TMEM108: variants seen among roughly 807,000 people sequenced by gnomAD.
TMEM108 encodes the protein transmembrane protein 108.
In TMEM108, 12 loss-of-function variants were observed where a neutral mutation model predicts 35.1. The observed-to-expected ratio is 0.34, with a 90% CI of 0.22 to 0.55. The LOEUF is 0.55. Among genes scored for constraint, TMEM108 ranks in the 20% least tolerant of loss-of-function variants. The probability of loss-of-function intolerance (pLI) is 0.89; values close to 1 mark genes in which losing one functional copy is unlikely to be tolerated. For synonymous variants in TMEM108, 287 were observed against 308.6 expected (o/e 0.93, Z 0.73); for missense variants, 680 against 753.3 (o/e 0.90, Z 1.14).
chr3:133,379,644 C>CTG, intron 3 of TMEM108, 108 bp from the exon 4 acceptor site: 1 of 1,097,708 alleles, frequency 9.1e-7, no homozygotes, highest in Non-Finnish European at 1.3e-6. Flanking sequence ...AGGAATGCTC[C>CTG]TGACGTTTCC....
At chr3:133,280,455 C>A (rs117319942) in intron 3 of TMEM108, among the ~76,000 whole-genome samples, 3 of 152,190 alleles carry the variant, frequency 2.0e-5, no homozygotes, top group East Asian at 3.9e-4. Flanking sequence ...ATCAAATGTT[C>A]ATCAGTTTTT....
intron 2 of TMEM108, among the ~76,000 whole-genome samples, chr3:133,086,816 T>C (rs1943888875): frequency 6.6e-6 from 1 of 152,228 alleles, no homozygotes; most frequent in African/African-American, 2.4e-5. Flanking sequence ...TGGTGTAGTT[T>C]GGGCATTACA....
chr3:133,293,642 A>T (rs2107697430), intron 3 of TMEM108, among the ~76,000 whole-genome samples: 2 of 152,138 alleles, frequency 1.3e-5, no homozygotes, highest in Middle Eastern at 3.4e-3. Context: ...CCTAAGACGG[A>T]TGTTGAGTGG....
At chr3:133,250,077 T>C (rs1208204420) in intron 3 of TMEM108, among the ~76,000 whole-genome samples, 1 of 152,160 alleles carries the variant, frequency 6.6e-6, no homozygotes, top group East Asian at 1.9e-4. Context: ...ACAATTAAGC[T>C]CTTGAGGTGT....
At chr3:133,102,916 A>G (rs191909197) in intron 2 of TMEM108, among the ~76,000 whole-genome samples, 14 of 152,272 alleles carry the variant, frequency 9.2e-5, no homozygotes, top group Middle Eastern at 3.4e-3. Flanking sequence ...CAGAATGGCT[A>G]TTATTAAAAA....
chr3:133,096,815 G>A (rs1944021285), intron 2 of TMEM108, among the ~76,000 whole-genome samples: 1 of 152,198 alleles, frequency 6.6e-6, no homozygotes, highest in African/African-American at 2.4e-5. Context: ...AGAAGACTGT[G>A]GGTGAACTGA....
At position 133,202,928 on chromosome 3, in the gene TMEM108, G is replaced by T. The variant is rs188504493; in HGVS notation, c.-46-26338G>T. On this transcript the variant is annotated intron_variant, in intron 2 of 5. Coordinates refer to ENST00000321871, the MANE Select transcript of TMEM108 (RefSeq NM_023943.4). Reference sequence around the variant, plus strand: ...ATTGATTCTTCCTATCCATGAGCATGGAATGTTTTTCCATTTGTTTGTGTC... The same window carrying T: ...ATTGATTCTTCCTATCCATGAGCATTGAATGTTTTTCCATTTGTTTGTGTC... Among the ~76,000 whole-genome samples, 3 of 152,266 alleles carry T rather than the reference G, an allele frequency of 2.0e-5. No homozygotes were observed. In the East Asian group the frequency reaches 5.8e-4, roughly 29 times the overall value.
Position 133,315,343 on chromosome 3 carries a change from G to A in TMEM108, c.41-64409G>A, listed in dbSNP as rs1437001971. ...CCTGCTTTATAGGTCCCTGGGGAGG[G>A]TCCCTCCTCCCTCCAATCTTTTGTG... On this transcript the variant is annotated intron_variant, in intron 3 of 5. Coordinates refer to ENST00000321871, the MANE Select transcript of TMEM108 (RefSeq NM_023943.4). Among the ~76,000 whole-genome samples the A allele has an allele frequency of 2.8e-4, 42 of 152,270 alleles. 1 individual carries two copies. The highest frequency in any genetic ancestry group is 4.4e-5 in the Non-Finnish European group (3 of 68,018).
intron 3 of TMEM108, among the ~76,000 whole-genome samples, chr3:133,280,862 C>T (rs1008154704): frequency 1.3e-5 from 2 of 152,188 alleles, no homozygotes; most frequent in Non-Finnish European, 2.9e-5. Flanking sequence ...TCACATGGTA[C>T]AGCAGGCTAG....
At chr3:133,226,246 C>T (rs1253572805) in intron 2 of TMEM108, among the ~76,000 whole-genome samples, 3 of 152,130 alleles carry the variant, frequency 2.0e-5, no homozygotes, top group African/African-American at 7.2e-5. Flanking sequence ...TAATAGATTG[C>T]AAATGTTTCC....
chr3:133,299,214 G>A (rs1019548735), intron 3 of TMEM108, among the ~76,000 whole-genome samples: 21 of 152,250 alleles, frequency 1.4e-4, no homozygotes, highest in African/African-American at 4.3e-4. Context: ...CTTGGCAGCC[G>A]TAAAGCCACT....
intron 2 of TMEM108, among the ~76,000 whole-genome samples, chr3:133,179,151 A>G (rs1945288691): frequency 6.6e-6 from 1 of 150,990 alleles, no homozygotes. Context: ...AAAAGTCAGG[A>G]AACAACAGGT....
intron 2 of TMEM108, among the ~76,000 whole-genome samples, chr3:133,061,766 A>T (rs1474800142): frequency 6.6e-6 from 1 of 152,236 alleles, no homozygotes; most frequent in Non-Finnish European, 1.5e-5. Flanking sequence ...AAGTAGGCAT[A>T]CTGCACTGGT....
At chr3:133,077,343 G>A (rs1212053099) in intron 2 of TMEM108, among the ~76,000 whole-genome samples, 1 of 152,106 alleles carries the variant, frequency 6.6e-6, no homozygotes, top group Non-Finnish European at 1.5e-5. Flanking sequence ...TGTAGTGATG[G>A]CAGTGGTGTT....
chr3:133,349,438 A>T (rs1447938677), intron 3 of TMEM108, among the ~76,000 whole-genome samples: 1 of 152,188 alleles, frequency 6.6e-6, no homozygotes, highest in African/African-American at 2.4e-5. Flanking sequence ...ACAAAAGCAA[A>T]AATAGACAAA....
At chr3:133,077,993 G>C (rs1943762546) in intron 2 of TMEM108, among the ~76,000 whole-genome samples, 1 of 152,056 alleles carries the variant, frequency 6.6e-6, no homozygotes, top group Non-Finnish European at 1.5e-5. Flanking sequence ...TCCAAACTAA[G>C]ACTTTTATAC....
chr3:133,234,536 A>G (rs977026479), intron 3 of TMEM108, among the ~76,000 whole-genome samples: 76 of 152,312 alleles, frequency 5.0e-4, no homozygotes, highest in Non-Finnish European at 7.8e-4. Flanking sequence ...AAAGGCCTTT[A>G]ACAAAATTCA....
At chr3:133,208,984 T>G (rs1945797618) in intron 2 of TMEM108, among the ~76,000 whole-genome samples, 1 of 152,176 alleles carries the variant, frequency 6.6e-6, no homozygotes, top group South Asian at 2.1e-4. Flanking sequence ...CATTTTATTC[T>G]CAAAACTATC....
At chr3:133,173,563 A>G (rs1295490073) in intron 2 of TMEM108, among the ~76,000 whole-genome samples, 1 of 152,234 alleles carries the variant, frequency 6.6e-6, no homozygotes, top group East Asian at 1.9e-4. Context: ...CAGGCAAGGT[A>G]TTCCTTCCAT....
Sources: allele counts gnomAD v4.1 joint callset (sites outside exome capture counted in the v4.1 genomes callset), GRCh38; gene constraint gnomAD v4.1.1; transcripts MANE v1.5; gene names NCBI Gene and HGNC (gene_info 2026-07-23, HGNC 2026-07-21).